Variants in DLGAP4 observed in about 807,000 individuals in gnomAD.
DLGAP4 encodes DLG associated protein 4.
A neutral mutation model predicts 86.9 loss-of-function variants in DLGAP4; 18 were observed. The observed-to-expected ratio is 0.21, with a 90% confidence interval of 0.14 to 0.31. The LOEUF (loss-of-function observed/expected upper bound fraction) is 0.31, where lower values mean the gene tolerates loss of function less well. Among genes scored for constraint, DLGAP4 ranks in the 10% least tolerant of loss-of-function variants. DLGAP4 has a pLI of 1.00. For synonymous variants in DLGAP4, 548 were observed against 574.3 expected (o/e 0.95, Z 0.65); for missense variants, 1,085 against 1,362.6 (o/e 0.80, Z 3.21).
intron 2 of DLGAP4, among the ~76,000 whole-genome samples, chr20:36,369,464 G>A (rs1046667384): frequency 7.9e-5 from 12 of 152,146 alleles, no homozygotes; most frequent in Non-Finnish European, 1.8e-4. Context: ...GTGGTGGCAG[G>A]CGCTTGTAAT....
chr20:36,396,589 GAC>G (rs1449017257), intron 2 of DLGAP4, among the ~76,000 whole-genome samples: 5 of 52,220 alleles, frequency 9.6e-5, no homozygotes, highest in African/African-American at 3.1e-4. Context: ...ACACACACCA[GAC>G]ACACACACGC....
intron 2 of DLGAP4, among the ~76,000 whole-genome samples, chr20:36,392,066 T>C (rs2425243): frequency 0.64 from 96,935 of 152,000 alleles, 31,121 homozygotes; most frequent in South Asian, 0.82. Flanking sequence ...TGGCTTGGGG[T>C]CGTGTCCCGA....
chr20:36,499,789 C>T, intron 9 of DLGAP4, 113 bp downstream of exon 9: 1 of 873,208 alleles, frequency 1.1e-6, no homozygotes, highest in Non-Finnish European at 1.7e-6. Context: ...AATAACCAAG[C>T]TGGGTTTGGG....
Position 36,350,194 on chromosome 20 carries a change from C to A in DLGAP4, c.-303-16851C>A, listed in dbSNP as rs1402340495. Among the ~76,000 whole-genome samples, 1 of 152,220 alleles carries A rather than the reference C, an allele frequency of 6.6e-6. No individual in the cohort carries two copies. The highest frequency in any genetic ancestry group is 2.4e-5 in the African/African-American group (1 of 41,456). Reference sequence around the variant, plus strand: ...CTGGCGGGTGCCAAGCCTGGATCGTCCCCCGAGCTCAGCTTGCCCTTAGGC... The same window carrying A: ...CTGGCGGGTGCCAAGCCTGGATCGTACCCCGAGCTCAGCTTGCCCTTAGGC... On this transcript the variant is annotated intron_variant, in intron 1 of 12. Transcript: ENST00000339266. This position sits in a 1 kb window ranked among gnomAD's most constrained non-coding sequence, Gnocchi z 4.4.
intron 2 of DLGAP4, among the ~76,000 whole-genome samples, chr20:36,371,766 T>TA (rs527658735): frequency 1.2e-4 from 18 of 152,028 alleles, no homozygotes; most frequent in Non-Finnish European, 2.4e-4. Context: ...TTTTTTTTTT[T>TA]AAAAAGAGGT....
intron 2 of DLGAP4, among the ~76,000 whole-genome samples, chr20:36,409,712 C>CAA (rs569430649): frequency 3.9e-5 from 5 of 128,760 alleles, no homozygotes; most frequent in African/African-American, 1.2e-4. Context: ...AAGACTGTCT[C>CAA]AAAAAAAAAA....
chr20:36,492,351 G>A (rs372089206), intron 7 of DLGAP4: 1 of 152,350 alleles, frequency 6.6e-6, no homozygotes, highest in Non-Finnish European at 1.5e-5. Flanking sequence ...TGGCCTGTGT[G>A]TGCCTCAGGA....
chr20:36,349,504 C>A (rs779354827), intron 1 of DLGAP4, among the ~76,000 whole-genome samples: 10 of 151,368 alleles, frequency 6.6e-5, no homozygotes, highest in Non-Finnish European at 1.5e-4. Flanking sequence ...GAGCACAGAC[C>A]TGAATGAAGT....
chr20:36,337,639 G>A (rs2065335868), intron 1 of DLGAP4, among the ~76,000 whole-genome samples: 1 of 152,158 alleles, frequency 6.6e-6, no homozygotes, highest in African/African-American at 2.4e-5. Flanking sequence ...TAAATTTGCA[G>A]CGGATGCAGT....
chr20:36,322,748 C>T (rs1015732407), intron 1 of DLGAP4, among the ~76,000 whole-genome samples: 5 of 152,060 alleles, frequency 3.3e-5, no homozygotes, highest in Non-Finnish European at 7.4e-5. Context: ...CAGTGACTAC[C>T]GAGTATTATT....
At chr20:36,526,106 G>A (rs751813769) in intron 12 of DLGAP4, 100 bp downstream of exon 12, 2 of 1,564,754 alleles carry the variant, frequency 1.3e-6, no homozygotes, top group East Asian at 2.2e-5. Context: ...CCTTCTCCGT[G>A]TGTCGTCTTT....
intron 2 of DLGAP4, among the ~76,000 whole-genome samples, chr20:36,387,776 A>G (rs1321140483): frequency 2.0e-5 from 3 of 152,174 alleles, no homozygotes; most frequent in Admixed American, 2.0e-4. Context: ...CTGATTTGAA[A>G]TACCATCTCT....
chr20:36,354,932 A>G (rs1374228724), intron 1 of DLGAP4, among the ~76,000 whole-genome samples: 1 of 152,204 alleles, frequency 6.6e-6, no homozygotes, highest in Non-Finnish European at 1.5e-5. Context: ...ACAGAGTGAG[A>G]CCCTGTCTAC....
chr20:36,319,868 T>C (rs1419050890), intron 1 of DLGAP4, among the ~76,000 whole-genome samples: 2 of 151,860 alleles, frequency 1.3e-5, no homozygotes, highest in African/African-American at 4.8e-5. Flanking sequence ...CCTGTTGGAG[T>C]TGCCTCCTTC....
chr20:36,461,633 G>A, intron 7 of DLGAP4: 1 of 923,990 alleles, frequency 1.1e-6, no homozygotes, highest in Non-Finnish European at 1.3e-6. Flanking sequence ...CGGAGCAGCC[G>A]CGGCCCCGCG....
At chr20:36,478,459 G>A (rs1188848818) in intron 7 of DLGAP4, among the ~76,000 whole-genome samples, 3 of 152,142 alleles carry the variant, frequency 2.0e-5, no homozygotes, top group African/African-American at 2.4e-5. Flanking sequence ...CGAAGCCTTC[G>A]GAAGTATGTT....
intron 1 of DLGAP4, among the ~76,000 whole-genome samples, chr20:36,355,867 CCA>C (rs781981276): frequency 1.2e-4 from 19 of 152,222 alleles, no homozygotes; most frequent in Non-Finnish European, 2.2e-4. Flanking sequence ...TGTTGAGGAG[CCA>C]CACAGCTGTA....
intron 2 of DLGAP4, among the ~76,000 whole-genome samples, chr20:36,410,428 C>G (rs551999749): frequency 6.6e-6 from 1 of 152,220 alleles, no homozygotes; most frequent in Non-Finnish European, 1.5e-5. Context: ...TGTGTTCTAC[C>G]TGAAGTGTAG....
rs374917816 is a variant in DLGAP4, at chr20:36,411,595, C to T, written c.-72-20051C>T. Among the ~76,000 whole-genome samples the T allele has an allele frequency of 7.2e-5, 11 of 152,288 alleles. No homozygotes were observed. The East Asian group carries it at 1.3e-3, about 19-fold the overall frequency. Reference sequence around the variant, plus strand: ...ATTTCCCACGTGCATAAGGCAAGGCCGCTGGTAATTCCTAGAAGCGGAATT... The same window carrying T: ...ATTTCCCACGTGCATAAGGCAAGGCTGCTGGTAATTCCTAGAAGCGGAATT... On this transcript the variant is annotated intron_variant, in intron 2 of 12. Coordinates refer to ENST00000339266, the MANE Select transcript of DLGAP4 (RefSeq NM_001365621.2).
Sources: gnomAD v4.1 joint callset for allele counts (sites outside exome capture counted in the v4.1 genomes callset) on GRCh38, gnomAD v4.1.1 for gene constraint, Gnocchi (gnomAD v3.1) non-coding constraint, MANE v1.5 for transcripts, NCBI Gene and HGNC (gene_info 2026-07-23, HGNC 2026-07-21) for gene names.